Variants in TSPAN13 observed in about 807,000 individuals in gnomAD.
TSPAN13 encodes the protein tetraspanin-13.
In TSPAN13, 18 loss-of-function variants were observed where a neutral mutation model predicts 26.9. The ratio of observed to expected loss-of-function variants is 0.67; its 90% CI spans 0.46 to 0.99. The LOEUF (loss-of-function observed/expected upper bound fraction) is 0.99, where lower values mean the gene tolerates loss of function less well. Ranked by LOEUF, TSPAN13 falls within the 50% of genes least tolerant of loss-of-function variation. The pLI, the probability that TSPAN13 is intolerant of heterozygous loss-of-function variation, is 0.00. For synonymous variants in TSPAN13, 116 were observed against 98.4 expected (o/e 1.18, Z -1.06); for missense variants, 201 against 249.6 (o/e 0.81, Z 1.31).
At chr7:16,761,940 A>G (rs1454934883) in intron 1 of TSPAN13, among the ~76,000 whole-genome samples, 2 of 152,114 alleles carry the variant, frequency 1.3e-5, no homozygotes, top group Non-Finnish European at 2.9e-5. Context: ...CACTACCATC[A>G]TAACTTCTCT....
intron 1 of TSPAN13, 94 bp from the exon 2 acceptor site, chr7:16,776,117 T>C: frequency 7.9e-7 from 1 of 1,263,158 alleles, no homozygotes; most frequent in Non-Finnish European, 1.1e-6. Flanking sequence ...CGTAGGTGCC[T>C]GAAGGATATT....
chr7:16,753,867 C>A lies in TSPAN13; in HGVS notation c.-101C>A. 7.6e-7 allele frequency: 1 copy of A among 1,308,352 alleles called. No individual in the cohort carries two copies. The highest frequency in any genetic ancestry group is 1.1e-6 in the Non-Finnish European group (1 of 926,688). The allele number at this position is 1,308,352 out of a possible 1,614,324, so 81.0% of individuals were successfully genotyped here. On this transcript the variant is annotated 5_prime_UTR_variant, in exon 1 of 6. Coordinates refer to ENST00000262067, the MANE Select transcript of TSPAN13 (RefSeq NM_014399.4). ...CCCCCACCCACGTCTGCGTTGCTGCCCCGCCTGGGCCAGGCCCCAAAGGCA... is the reference window on the plus strand; with the variant it reads ...CCCCCACCCACGTCTGCGTTGCTGCACCGCCTGGGCCAGGCCCCAAAGGCA...
chr7:16,773,175 G>A (rs1489200750), intron 1 of TSPAN13, among the ~76,000 whole-genome samples: 1 of 150,464 alleles, frequency 6.6e-6, no homozygotes, highest in African/African-American at 2.5e-5. Flanking sequence ...GGGGGGGGGC[G>A]GTTAGCAATT....
At chr7:16,781,569 G>C (rs1486219824) in intron 5 of TSPAN13, among the ~76,000 whole-genome samples, 1 of 152,142 alleles carries the variant, frequency 6.6e-6, no homozygotes, top group East Asian at 1.9e-4. Flanking sequence ...GCAAGGAAGG[G>C]GAGAGATTTT....
At chr7:16,779,297 C>T (rs1042967798) in intron 5 of TSPAN13, among the ~76,000 whole-genome samples, 181 bp downstream of exon 5, 19 of 152,190 alleles carry the variant, frequency 1.2e-4, no homozygotes, top group African/African-American at 3.9e-4. Flanking sequence ...ACTTTAGGAC[C>T]GGGTGAAAGG....
In TSPAN13 at chr7:16,783,727, T is replaced by C. The variant is rs925007156; in HGVS notation, c.*236T>C. 16 of 546,064 alleles carry C rather than the reference T, an allele frequency of 2.9e-5. 1 individual carries two copies. In the Admixed American group the frequency reaches 3.1e-4, roughly 11 times the overall value. 33.8% of individuals were successfully genotyped at this position (546,064 alleles called of 1,614,324 possible). On this transcript the variant is annotated 3_prime_UTR_variant, in exon 6 of 6. Coordinates refer to ENST00000262067, the MANE Select transcript of TSPAN13 (RefSeq NM_014399.4). ...TCGGTGGCACCTGGAATTTACTGTA[T>C]TCATTGTCGGGCACTGTCCACTGTG...
At chr7:16,783,154 G>T (rs1784832041) in intron 5 of TSPAN13, among the ~76,000 whole-genome samples, 1 of 152,052 alleles carries the variant, frequency 6.6e-6, no homozygotes, top group African/African-American at 2.4e-5. Context: ...ACTGTGTAAG[G>T]TAACATATTT....
In TSPAN13 at chr7:16,783,485, C is replaced by T; in HGVS notation, c.609C>T (p.Phe203=). ...ACCCCCGCGCGAATCCTAGTGCATT[C>T]CTTTGATGAGAAAACAAGGAAGATT... The part of the protein sequence containing the change: ...QKDPRANPSA[F]L Residue 203 remains phenylalanine, a synonymous_variant, in exon 6 of 6, where the codon TTC becomes TTT. Transcript: ENST00000262067. The T allele has an allele frequency of 6.2e-7, 1 of 1,613,226 alleles. No homozygotes were observed. The highest frequency in any genetic ancestry group is 8.5e-7 in the Non-Finnish European group (1 of 1,179,374).
intron 1 of TSPAN13, among the ~76,000 whole-genome samples, chr7:16,771,395 C>T (rs148497954): frequency 4.6e-5 from 7 of 152,274 alleles, no homozygotes; most frequent in Non-Finnish European, 1.0e-4. Flanking sequence ...CCTACAAACA[C>T]GTTACTTTAC....
intron 1 of TSPAN13, among the ~76,000 whole-genome samples, chr7:16,767,687 C>T (rs1293951872): frequency 6.6e-6 from 1 of 152,068 alleles, no homozygotes; most frequent in Non-Finnish European, 1.5e-5. Flanking sequence ...AGGTTCTTTA[C>T]ATTCTTGGTG....
At position 16,783,969 on chromosome 7, in the gene TSPAN13, T is replaced by G. The variant is rs535325060; in HGVS notation, c.*478T>G. 1.3e-5 allele frequency: 1 copy of G among 75,384 alleles called. No homozygotes were observed. The highest frequency in any genetic ancestry group is 3.2e-5 in the Non-Finnish European group (1 of 31,406). The allele number at this position is 75,384 out of a possible 1,614,324, so 4.7% of individuals were successfully genotyped here. A position where few individuals can be genotyped will look rare whatever the true frequency, so the allele number is the denominator to read the frequency against. ...TCCAAATTCCCAATTTTTTTTGGTC[T>G]TTTTAGGAAAGATTGTTGTGGTAAA... On this transcript the variant is annotated 3_prime_UTR_variant, in exon 6 of 6. Coordinates refer to ENST00000262067, the MANE Select transcript of TSPAN13 (RefSeq NM_014399.4).
chr7:16,757,324 T>C (rs1784490692), intron 1 of TSPAN13, among the ~76,000 whole-genome samples: 2 of 152,212 alleles, frequency 1.3e-5, no homozygotes. Context: ...AGGAATATTT[T>C]AGGCTGAAAA....
chr7:16,774,643 G>C (rs1287399415), intron 1 of TSPAN13, among the ~76,000 whole-genome samples: 1 of 152,172 alleles, frequency 6.6e-6, no homozygotes, highest in Non-Finnish European at 1.5e-5. Context: ...TACTGATAAG[G>C]AGCAGTTGGG....
chr7:16,773,333 A>G (rs1562519987), intron 1 of TSPAN13, among the ~76,000 whole-genome samples: 1 of 127,738 alleles, frequency 7.8e-6, no homozygotes, highest in East Asian at 2.2e-4. Flanking sequence ...ACATTTTTGA[A>G]TGTTAAAAAA....
At chr7:16,782,969 A>G (rs1025729476) in intron 5 of TSPAN13, among the ~76,000 whole-genome samples, 1 of 152,128 alleles carries the variant, frequency 6.6e-6, no homozygotes, top group Non-Finnish European at 1.5e-5. Context: ...GGAGAGTTGC[A>G]GCTTCTCTTT....
chr7:16,776,853 A>T (rs1205449475), intron 2 of TSPAN13, among the ~76,000 whole-genome samples, 189 bp from the exon 3 acceptor site: 1 of 152,176 alleles, frequency 6.6e-6, no homozygotes. Flanking sequence ...TTTTCTTTAT[A>T]AATTTGATGC....
intron 1 of TSPAN13, among the ~76,000 whole-genome samples, chr7:16,763,104 G>A (rs900714582): frequency 2.0e-5 from 3 of 152,162 alleles, no homozygotes; most frequent in African/African-American, 7.2e-5. Context: ...GTTAAATTTA[G>A]TAACGCTAAG....
chr7:16,756,557 T>C (rs920608969), intron 1 of TSPAN13, among the ~76,000 whole-genome samples: 7 of 152,206 alleles, frequency 4.6e-5, no homozygotes, highest in Non-Finnish European at 8.8e-5. Context: ...TCAGAAAGCA[T>C]GTCACTAAAA....
At chr7:16,774,372 C>T (rs966291091) in intron 1 of TSPAN13, among the ~76,000 whole-genome samples, 1 of 152,148 alleles carries the variant, frequency 6.6e-6, no homozygotes, top group African/African-American at 2.4e-5. Context: ...CCATCTTCAG[C>T]GTTTGGTACC....
Sources: allele counts gnomAD v4.1 joint callset (sites outside exome capture counted in the v4.1 genomes callset), GRCh38; gene constraint gnomAD v4.1.1; transcripts MANE v1.5; gene names NCBI Gene and HGNC (gene_info 2026-07-23, HGNC 2026-07-21).